The following ADAMTS2 variants were observed in gnomAD, a reference collection of about 807,000 sequenced individuals.
The protein encoded by ADAMTS2 is A disintegrin and metalloproteinase with thrombospondin motifs 2.
A neutral mutation model predicts 123.0 loss-of-function variants in ADAMTS2; 50 were observed. The ratio of observed to expected loss-of-function variants is 0.41; its 90% CI spans 0.32 to 0.51. ADAMTS2 has a LOEUF of 0.51. Ranked by LOEUF, ADAMTS2 falls within the 20% of genes least tolerant of loss-of-function variation. ADAMTS2 has a pLI of 0.35. For missense variants in ADAMTS2, 1,494 were observed against 1,705.2 expected (o/e 0.88, Z 2.18); for synonymous variants, 678 against 695.4 (o/e 0.98, Z 0.39).
Position 179,273,003 on chromosome 5 carries a change from G to T in ADAMTS2, c.596C>A (p.Ala199Glu), listed in dbSNP as rs76704342. Residue 199 changes from alanine (A) to glutamate (E), a missense_variant, in exon 3 of 22, where the codon GCG becomes GAG. By Grantham distance (107) the Ala-to-Glu change is moderately radical (BLOSUM62 -1). Transcript: ENST00000251582. ...FFIEPLEKGL[A>E]AQEAEQGRVH... is the part of the protein sequence containing the mutation. ...ACGGCCTTGCTCAGCCTCCTGCGCC[G>T]CCAGCCCCTTCTCCAAGGGTTCGAT... 4 of 1,613,324 alleles carry T rather than the reference G, an allele frequency of 2.5e-6. No homozygotes were observed. The highest frequency in any genetic ancestry group is 2.2e-5 in the South Asian group (2 of 91,072).
intron 2 of ADAMTS2, among the ~76,000 whole-genome samples, chr5:179,279,734 G>A (rs1442509779): frequency 1.3e-5 from 2 of 152,284 alleles, no homozygotes; most frequent in Non-Finnish European, 1.5e-5. Context: ...GAGCCACTCC[G>A]TCCTCACCAC....
chr5:179,296,269 T>C (rs1458927862), intron 2 of ADAMTS2, among the ~76,000 whole-genome samples: 1 of 151,686 alleles, frequency 6.6e-6, no homozygotes, highest in Non-Finnish European at 1.5e-5. Flanking sequence ...CTGACAATGA[T>C]GGGACCCGGG....
chr5:179,203,073 C>T (rs1372939712), intron 4 of ADAMTS2, among the ~76,000 whole-genome samples: 1 of 152,174 alleles, frequency 6.6e-6, no homozygotes, highest in Non-Finnish European at 1.5e-5. Context: ...GCAGAAGTCA[C>T]CCCAAATGAT....
Position 179,155,123 on chromosome 5 carries a change from C to T in ADAMTS2, c.1133-204G>A, listed in dbSNP as rs572017296. The stretch of plus-strand genomic sequence containing the variant: ...CATCTGGCTGACAGCAGGCCCCCAG[C>T]CCGTCACCACACAAGCCCCGTGGCC... On this transcript the variant is annotated intron_variant, in intron 6 of 21. Transcript: ENST00000251582. The surrounding 1 kb of genome is among the most constrained non-coding windows in gnomAD (Gnocchi z 5.1). Among the ~76,000 whole-genome samples the T allele has an allele frequency of 6.6e-6, 1 of 152,372 alleles. No individual in the cohort carries two copies. Among genetic ancestry groups the T allele is most frequent in the East Asian group, 1.9e-4 (1 of 5,192 alleles).
At chr5:179,279,841 C>T (rs1766841036) in intron 2 of ADAMTS2, among the ~76,000 whole-genome samples, 1 of 152,274 alleles carries the variant, frequency 6.6e-6, no homozygotes, top group Non-Finnish European at 1.5e-5. Context: ...CAGAGGATTT[C>T]ACACACTGAC....
At chr5:179,265,174 C>T (rs745800882) in intron 3 of ADAMTS2, among the ~76,000 whole-genome samples, 3 of 152,242 alleles carry the variant, frequency 2.0e-5, no homozygotes, top group Non-Finnish European at 4.4e-5. Context: ...CCCCTGCACT[C>T]GAGTTGGGGC....
intron 2 of ADAMTS2, among the ~76,000 whole-genome samples, chr5:179,334,512 C>T (rs1757560710): frequency 6.6e-6 from 1 of 152,242 alleles, no homozygotes; most frequent in African/African-American, 2.4e-5. Context: ...CCATCTTAAT[C>T]CACAGCAAGC....
intron 2 of ADAMTS2, among the ~76,000 whole-genome samples, chr5:179,275,926 G>A (rs773014600): frequency 9.2e-5 from 14 of 152,216 alleles, no homozygotes; most frequent in African/African-American, 1.7e-4. Context: ...GGCAAGGGGC[G>A]CAGGACCCTC....
At position 179,162,776 on chromosome 5, in the gene ADAMTS2, A is replaced by T. The variant is rs1763621771; in HGVS notation, c.976-3897T>A. ...TGCCTGCCACTGACGGGTGTCATTT[A>T]TGCCTGAAGAAGTTCCTCTCCTTGT... On this transcript the variant is annotated intron_variant, in intron 5 of 21. Coordinates refer to ENST00000251582, the MANE Select transcript of ADAMTS2 (RefSeq NM_014244.5). This position sits in a 1 kb window ranked among gnomAD's most constrained non-coding sequence, Gnocchi z 5.1. Among the ~76,000 whole-genome samples, 1 of 152,200 alleles carries T rather than the reference A, an allele frequency of 6.6e-6. No individual in the cohort carries two copies. Among genetic ancestry groups the T allele is most frequent in the Admixed American group, 6.5e-5 (1 of 15,274 alleles).
In ADAMTS2 at chr5:179,281,666, G is replaced by A. The variant is rs138370348; in HGVS notation, c.535-8602C>T. Among the ~76,000 whole-genome samples the A allele has an allele frequency of 2.6e-3, 390 of 152,294 alleles. 1 individual carries two copies. The highest frequency in any genetic ancestry group is 8.9e-3 in the African/African-American group (371 of 41,548). ...TATGAACATCTGTGGACAAGTTTTT[G>A]TGTGGACATGTGTTTTCATTCCTCT... is the stretch of plus-strand genomic sequence containing the variant. On this transcript the variant is annotated intron_variant, in intron 2 of 21. Coordinates refer to ENST00000251582, the MANE Select transcript of ADAMTS2 (RefSeq NM_014244.5).
At chr5:179,330,148 A>AT (rs1448274110) in intron 2 of ADAMTS2, among the ~76,000 whole-genome samples, 1 of 151,442 alleles carries the variant, frequency 6.6e-6, no homozygotes, top group African/African-American at 2.4e-5. Flanking sequence ...AAAAAAAAAA[A>AT]AAAGGAAACA....
chr5:179,319,826 G>C (rs751437804), intron 2 of ADAMTS2, among the ~76,000 whole-genome samples: 3 of 152,060 alleles, frequency 2.0e-5, no homozygotes, highest in Admixed American at 1.3e-4. Flanking sequence ...CAGTCATTAC[G>C]CCTGGCTCCC....
intron 2 of ADAMTS2, among the ~76,000 whole-genome samples, chr5:179,288,086 AC>A (rs564638130): frequency 1.3e-5 from 2 of 149,042 alleles, no homozygotes; most frequent in South Asian, 2.2e-4. Flanking sequence ...CAGCCAGAGG[AC>A]CCCCCCTTTC....
chr5:179,166,311 C>G (rs561707583), intron 5 of ADAMTS2, among the ~76,000 whole-genome samples: 1 of 152,290 alleles, frequency 6.6e-6, no homozygotes, highest in South Asian at 2.1e-4. Context: ...TCCCCTGGCC[C>G]GGGCTGGAAA....
Position 179,234,209 on chromosome 5 carries a change from T to C in ADAMTS2, c.689-26494A>G, listed in dbSNP as rs559040665. ...CCCTCCCCATCAGATGCCAGAGATA[T>C]CACCAGCCCTCGAGGCTTAACCCCT... On this transcript the variant is annotated intron_variant, in intron 3 of 21. Transcript: ENST00000251582. The surrounding 1 kb of genome is among the most constrained non-coding windows in gnomAD (Gnocchi z 4.7). Among the ~76,000 whole-genome samples the C allele has an allele frequency of 6.6e-6, 1 of 152,226 alleles. No homozygotes were observed. The highest frequency in any genetic ancestry group is 2.4e-5 in the African/African-American group (1 of 41,542).
intron 3 of ADAMTS2, among the ~76,000 whole-genome samples, chr5:179,208,116 C>A (rs1288669393): frequency 6.7e-6 from 1 of 150,368 alleles, no homozygotes; most frequent in Non-Finnish European, 1.5e-5. Flanking sequence ...TCAGCCCGCA[C>A]TGCCTGACGC....
chr5:179,226,320 A>C (rs1765284456), intron 3 of ADAMTS2, among the ~76,000 whole-genome samples: 1 of 143,622 alleles, frequency 7.0e-6, no homozygotes. Context: ...AGGCTGGAGT[A>C]CAGTGGCGTG....
At chr5:179,287,505 G>A (rs981080013) in intron 2 of ADAMTS2, among the ~76,000 whole-genome samples, 1 of 152,224 alleles carries the variant, frequency 6.6e-6, no homozygotes, top group Non-Finnish European at 1.5e-5. Context: ...CTGCAGAGAG[G>A]CTGGCTAAGG....
rs757502176 is a variant in ADAMTS2, at chr5:179,344,095, C to T, written c.206G>A (p.Arg69His). The part of the protein sequence containing the change: ...AVPVRTDAQG[R>H]LVSHVVSAAT... Reference sequence around the variant, plus strand: ...TGCCGACACCACGTGGGACACCAAGCGGCCCTGGGCGTCAGTGCGCACGGG... The same window carrying T: ...TGCCGACACCACGTGGGACACCAAGTGGCCCTGGGCGTCAGTGCGCACGGG... Residue 69 changes from arginine (R) to histidine (H), a missense_variant, in exon 2 of 22, where the codon CGC (arginine) becomes CAC (histidine). Transcript: ENST00000251582. 6.2e-7 allele frequency: 1 copy of T among 1,609,100 alleles called. No individual in the cohort carries two copies. Among genetic ancestry groups the T allele is most frequent in the East Asian group, 2.2e-5 (1 of 44,742 alleles).
Sources: gnomAD v4.1 joint callset for allele counts (sites outside exome capture counted in the v4.1 genomes callset) on GRCh38, gnomAD v4.1.1 for gene constraint, Gnocchi (gnomAD v3.1) non-coding constraint, MANE v1.5 for transcripts, NCBI Gene and HGNC (gene_info 2026-07-23, HGNC 2026-07-21) for gene names.